The following ERICH4 variants were observed in gnomAD, a reference collection of about 807,000 sequenced individuals.
The protein encoded by ERICH4 is glutamate rich 4.
In ERICH4, 4 loss-of-function variants were observed where a neutral mutation model predicts 5.2. The ratio of observed to expected loss-of-function variants is 0.77; its 90% confidence interval spans 0.38 to 1.76. The LOEUF (loss-of-function observed/expected upper bound fraction) is 1.76, where lower values mean the gene tolerates loss of function less well. ERICH4 is among the 40% of genes most tolerant of loss of function. The pLI, the probability that ERICH4 is intolerant of heterozygous loss-of-function variation, is 0.04. For missense variants in ERICH4, 164 were observed against 159.8 expected (o/e 1.03, Z -0.14); for synonymous variants, 75 against 68.7 (o/e 1.09, Z -0.45).
chr19:41,443,402 A>G, intron 1 of ERICH4, 59 bp downstream of exon 1: 1 of 1,270,172 alleles, frequency 7.9e-7, no homozygotes, highest in Non-Finnish European at 1.0e-6. Flanking sequence ...AATGGAAATG[A>G]ACAAAAATAG....
chr19:41,443,934 C>T, intron 1 of ERICH4, 72 bp from the exon 2 acceptor site: 2 of 1,255,908 alleles, frequency 1.6e-6, no homozygotes, highest in Non-Finnish European at 2.2e-6. Context: ...GGGACCTGCT[C>T]TCACCCAGGT....
In ERICH4 at chr19:41,443,204, T is replaced by C; in HGVS notation, c.35T>C (p.Leu12Pro). 6.7e-7 allele frequency: 1 copy of C among 1,486,570 alleles called. No homozygotes were observed. Among genetic ancestry groups the C allele is most frequent in the East Asian group, 2.8e-5 (1 of 35,912 alleles). The allele number at this position is 1,486,570 out of a possible 1,614,324, so 92.1% of individuals were successfully genotyped here. ...TGGAGGCAGCTGAATCAGGCTGGAC[T>C]GGTGCCTCCGGGGCTGGGCCCACCC... ...ELWRQLNQAG[L>P]VPPGLGPPPQ... Residue 12 changes from leucine (L) to proline (P), a missense_variant, in exon 1 of 2, where the codon CTG becomes CCG. Physicochemically the swap from Leu to Pro is moderately conservative, Grantham distance 98. Transcript: ENST00000378187.
At chr19:41,443,369 G>A in intron 1 of ERICH4, 26 bp downstream of exon 1, 1 of 1,292,344 alleles carries the variant, frequency 7.7e-7, no homozygotes, top group Non-Finnish European at 9.9e-7. Context: ...GGAAGGGAAA[G>A]AGAAAGAGAG....
At chr19:41,443,814 G>A (rs1205601741) in intron 1 of ERICH4, 192 bp from the exon 2 acceptor site, 17 of 587,806 alleles carry the variant, frequency 2.9e-5, no homozygotes, top group Non-Finnish European at 5.1e-5. Flanking sequence ...GAAATGGAGA[G>A]ACAAAGAGAA....
chr19:41,444,068 G>A lies in ERICH4; in HGVS notation c.237G>A (p.Met79Ile), dbSNP rs1368105429. The A allele has an allele frequency of 8.4e-6, 13 of 1,551,020 alleles. No individual in the cohort carries two copies. Among genetic ancestry groups the A allele is most frequent in the Non-Finnish European group, 1.1e-5 (13 of 1,146,718 alleles). The part of the protein sequence containing the change: ...LGQLCSLGLE[M>I]GALREELVTI... ...AGCTGTGCAGCCTGGGGCTGGAGAT[G>A]GGGGCGCTGCGGGAGGAACTGGTCA... Residue 79 changes from methionine to isoleucine, a missense_variant, in exon 2 of 2, where the codon ATG (methionine) becomes ATA (isoleucine). Physicochemically the swap from Met to Ile is conservative, Grantham distance 10. Coordinates refer to ENST00000378187, the MANE Select transcript of ERICH4 (RefSeq NM_001130514.3).
chr19:41,443,839 G>C (rs993863708), intron 1 of ERICH4, 167 bp from the exon 2 acceptor site: 40 of 598,804 alleles, frequency 6.7e-5, no homozygotes, highest in Admixed American at 1.5e-4. Context: ...TAGAGATCAA[G>C]AGACACTCTG....
chr19:41,444,084 G>C lies in ERICH4; in HGVS notation c.253G>C (p.Glu85Gln). The change falls in exon 2 of 2, where the codon GAA becomes CAA. Residue 85 changes from glutamate to glutamine, a missense_variant. By Grantham distance (29) the Glu-to-Gln change is conservative. Coordinates refer to ENST00000378187, the MANE Select transcript of ERICH4 (RefSeq NM_001130514.3). ...LGLEMGALRE[E>Q]LVTILEEEEE... is the part of the protein sequence containing the mutation. ...GCTGGAGATGGGGGCGCTGCGGGAG[G>C]AACTGGTCACCATATTGGAGGAGGA... 6.4e-7 allele frequency: 1 copy of C among 1,551,748 alleles called. No homozygotes were observed. Among genetic ancestry groups the C allele is most frequent in the Non-Finnish European group, 8.7e-7 (1 of 1,147,030 alleles).
intron 1 of ERICH4, 143 bp from the exon 2 acceptor site, chr19:41,443,863 C>T (rs565514749): frequency 4.9e-6 from 3 of 609,890 alleles, no homozygotes; most frequent in Non-Finnish European, 8.7e-6. Context: ...AGCAGGAAGG[C>T]AGTTAGGGTC....
In ERICH4 at chr19:41,443,690, CAGAG is replaced by C. The variant is rs566800425; in HGVS notation, c.175-312_175-309del. 7.2e-3 allele frequency among the ~76,000 whole-genome samples: 1,092 copies of C among 151,878 alleles called. 18 individuals carry two copies. Among genetic ancestry groups the C allele is most frequent in the African/African-American group, 0.025 (1,034 of 41,392 alleles). ...GCAGAGAAATGGCAACACATAAAGA[CAGAG>C]AGACAGGGGCATGGAAAGACAAAAA... On this transcript the variant is annotated intron_variant, in intron 1 of 1. Transcript: ENST00000378187.
At chr19:41,443,446 G>C in intron 1 of ERICH4, 103 bp downstream of exon 1, 1 of 1,009,936 alleles carries the variant, frequency 9.9e-7, no homozygotes, top group Non-Finnish European at 1.3e-6. Context: ...GAATCTGAGA[G>C]ATAGAAGCAG....
In ERICH4 at chr19:41,444,516, T is replaced by C; in HGVS notation, c.*292T>C. 2.1e-6 allele frequency: 1 copy of C among 477,100 alleles called. No individual in the cohort carries two copies. The allele number at this position is 477,100 out of a possible 1,614,324, so 29.6% of individuals were successfully genotyped here. A position where few individuals can be genotyped will look rare whatever the true frequency, so the allele number is the denominator to read the frequency against. On this transcript the variant is annotated 3_prime_UTR_variant, in exon 2 of 2. Transcript: ENST00000378187. Reference sequence around the variant, plus strand: ...GAGATGGGGATCTCTGCAAATATGCTGGTGATGCATACAGATGCGATTTCA... The same window carrying C: ...GAGATGGGGATCTCTGCAAATATGCCGGTGATGCATACAGATGCGATTTCA...
chr19:41,443,469 C>A, intron 1 of ERICH4, 126 bp downstream of exon 1: 1 of 761,174 alleles, frequency 1.3e-6, no homozygotes, highest in Non-Finnish European at 1.8e-6. Context: ...ACATGAGAGG[C>A]ATGTACAGAC....
Position 41,443,190 on chromosome 19 carries a change from G to C in ERICH4, c.21G>C (p.Leu7=). Residue 7 remains leucine (L), a synonymous_variant, in exon 1 of 2, where the codon CTG becomes CTC. Coordinates refer to ENST00000378187, the MANE Select transcript of ERICH4 (RefSeq NM_001130514.3). ...AGACGATGGAACTGTGGAGGCAGCTGAATCAGGCTGGACTGGTGCCTCCGG... is the reference window on the plus strand; with the variant it reads ...AGACGATGGAACTGTGGAGGCAGCTCAATCAGGCTGGACTGGTGCCTCCGG... MELWRQ[L]NQAGLVPPGL... is the part of the protein sequence containing the mutation. 2 of 1,481,926 alleles carry C rather than the reference G, an allele frequency of 1.3e-6. No homozygotes were observed. The allele number at this position is 1,481,926 out of a possible 1,614,324, so 91.8% of individuals were successfully genotyped here. A position where few individuals can be genotyped will look rare whatever the true frequency, so the allele number is the denominator to read the frequency against.
Position 41,444,355 on chromosome 19 carries a change from C to T in ERICH4, c.*131C>T. On this transcript the variant is annotated 3_prime_UTR_variant, in exon 2 of 2. Coordinates refer to ENST00000378187, the MANE Select transcript of ERICH4 (RefSeq NM_001130514.3). ...TTAGTAAGTGCTTTCTCTGAAGGTG[C>T]CTGCAATGATATTTAGGCATTGGCC... 1 of 941,704 alleles carries T rather than the reference C, an allele frequency of 1.1e-6. No individual in the cohort carries two copies. The allele number at this position is 941,704 out of a possible 1,614,324, so 58.3% of individuals were successfully genotyped here. A position where few individuals can be genotyped will look rare whatever the true frequency, so the allele number is the denominator to read the frequency against.
rs903606749 is a variant in ERICH4 at position 41,444,534 on chromosome 19, C to T, written c.*310C>T. The stretch of plus-strand genomic sequence containing the variant: ...AATATGCTGGTGATGCATACAGATG[C>T]GATTTCAGATCAACGCTGTCCAGTA... On this transcript the variant is annotated 3_prime_UTR_variant, in exon 2 of 2. Transcript: ENST00000378187. The T allele has an allele frequency of 9.3e-6, 4 of 429,908 alleles. No individual in the cohort carries two copies. Among genetic ancestry groups the T allele is most frequent in the Middle Eastern group, 6.8e-4 (1 of 1,472 alleles). The allele number at this position is 429,908 out of a possible 1,614,324, so 26.6% of individuals were successfully genotyped here. A position where few individuals can be genotyped will look rare whatever the true frequency, so the allele number is the denominator to read the frequency against.
Position 41,444,465 on chromosome 19 carries a change from C to G in ERICH4, c.*241C>G, listed in dbSNP as rs868985807. ...GTTGTAGAGAAGTTGCAGGTGCTTT[C>G]GCAGATGAGCCTCAGGTGTGCTGCT... On this transcript the variant is annotated 3_prime_UTR_variant, in exon 2 of 2. Transcript: ENST00000378187. 11 of 562,060 alleles carry G rather than the reference C, an allele frequency of 2.0e-5. 1 individual carries two copies. Among genetic ancestry groups the G allele is most frequent in the South Asian group, 1.6e-4 (8 of 49,620 alleles). 34.8% of individuals were successfully genotyped at this position (562,060 alleles called of 1,614,324 possible).
Position 41,444,733 on chromosome 19 carries a change from A to G in ERICH4, c.*509A>G, listed in dbSNP as rs1555773641. 6.3e-6 allele frequency: 1 copy of G among 158,576 alleles called. No individual in the cohort carries two copies. Among genetic ancestry groups the G allele is most frequent in the Non-Finnish European group, 1.4e-5 (1 of 71,278 alleles). The allele number at this position is 158,576 out of a possible 1,614,324, so 9.8% of individuals were successfully genotyped here. A position where few individuals can be genotyped will look rare whatever the true frequency, so the allele number is the denominator to read the frequency against. ...TTATTGAAATAATAATATTTTGAGC[A>G]TATCAGTATTAGTAAAAATATTACT... is the stretch of plus-strand genomic sequence containing the variant. On this transcript the variant is annotated 3_prime_UTR_variant, in exon 2 of 2. Coordinates refer to ENST00000378187, the MANE Select transcript of ERICH4 (RefSeq NM_001130514.3).
At chr19:41,443,517 G>A (rs1555773453) in intron 1 of ERICH4, among the ~76,000 whole-genome samples, 174 bp downstream of exon 1, 4 of 152,026 alleles carry the variant, frequency 2.6e-5, no homozygotes, top group Non-Finnish European at 5.9e-5. Context: ...CGGGAACAGA[G>A]GTGGGGACAG....
Position 41,443,465 on chromosome 19 carries a change from G to C in ERICH4, c.174+122G>C, listed in dbSNP as rs182408248. On this transcript the variant is annotated intron_variant, in intron 1 of 1. Coordinates refer to ENST00000378187, the MANE Select transcript of ERICH4 (RefSeq NM_001130514.3). ...CTGAGAGATAGAAGCAGAGACATGA[G>C]AGGCATGTACAGACACCGAGAGACA... 582 of 850,102 alleles carry C rather than the reference G, an allele frequency of 6.8e-4. 3 individuals are homozygous for C. In the African/African-American group the frequency reaches 9.1e-3, roughly 13 times the overall value. 52.7% of individuals were successfully genotyped at this position (850,102 alleles called of 1,614,324 possible).
Sources: allele counts gnomAD v4.1 joint callset (sites outside exome capture counted in the v4.1 genomes callset), GRCh38; gene constraint gnomAD v4.1.1; transcripts MANE v1.5; gene names NCBI Gene and HGNC (gene_info 2026-07-23, HGNC 2026-07-21).